BBS9: variants seen among roughly 807,000 people sequenced by gnomAD.
BBS9 encodes the protein Bardet-Biedl syndrome 9.
In BBS9, 89 loss-of-function variants were observed where a neutral mutation model predicts 117.7. The ratio of observed to expected loss-of-function variants is 0.76; its 90% CI spans 0.64 to 0.90. The LOEUF is 0.90. Ranked by LOEUF, BBS9 falls within the 40% of genes least tolerant of loss-of-function variation. BBS9 has a pLI of 0.00. For missense variants in BBS9, 982 were observed against 1,042.2 expected, an observed-to-expected ratio of 0.94 and a Z score of 0.80; for synonymous variants, 379 against 370.9, an observed-to-expected ratio of 1.02 and a Z score of -0.25.
intron 9 of BBS9, among the ~76,000 whole-genome samples, chr7:33,321,143 G>C (rs976455855): frequency 1.3e-5 from 2 of 152,086 alleles, no homozygotes; most frequent in Non-Finnish European, 2.9e-5. Context: ...CCATAGCTCT[G>C]TAGTTTAATT....
chr7:33,477,058 A>G (rs1413174885), intron 19 of BBS9, among the ~76,000 whole-genome samples: 1 of 152,216 alleles, frequency 6.6e-6, no homozygotes, highest in Non-Finnish European at 1.5e-5. Context: ...CCTTCCACTT[A>G]CTAGCCTTGT....
At chr7:33,581,826 G>A (rs1351778870) in intron 21 of BBS9, among the ~76,000 whole-genome samples, 7 of 152,034 alleles carry the variant, frequency 4.6e-5, no homozygotes, top group South Asian at 2.1e-4. Context: ...TGTTTTTCAC[G>A]CACATGAATT....
intron 9 of BBS9, among the ~76,000 whole-genome samples, chr7:33,318,570 A>G (rs1269655400): frequency 6.6e-6 from 1 of 152,094 alleles, no homozygotes; most frequent in Non-Finnish European, 1.5e-5. Flanking sequence ...AATAAAAATT[A>G]TTATTTTTTA....
At chr7:33,214,969 G>A (rs1788770873) in intron 5 of BBS9, among the ~76,000 whole-genome samples, 3 of 152,156 alleles carry the variant, frequency 2.0e-5, no homozygotes, top group South Asian at 4.1e-4. Context: ...CAAGGCGGGC[G>A]ATCACGAGGT....
intron 9 of BBS9, among the ~76,000 whole-genome samples, chr7:33,295,559 G>C (rs1805088267): frequency 6.6e-6 from 1 of 151,562 alleles, no homozygotes. Context: ...AAAAAAAATA[G>C]TCTATTATTA....
At chr7:33,569,545 G>C (rs959902617) in intron 21 of BBS9, among the ~76,000 whole-genome samples, 8 of 151,762 alleles carry the variant, frequency 5.3e-5, no homozygotes, top group African/African-American at 1.9e-4. Context: ...CACGAGGTCA[G>C]GAGATCGAGA....
chr7:33,411,592 T>C (rs1831151655), intron 19 of BBS9, among the ~76,000 whole-genome samples: 1 of 152,166 alleles, frequency 6.6e-6, no homozygotes, highest in Non-Finnish European at 1.5e-5. Flanking sequence ...AACTTATATA[T>C]GTACTTAATT....
chr7:33,222,344 A>G (rs981503978), intron 5 of BBS9, among the ~76,000 whole-genome samples: 1 of 152,186 alleles, frequency 6.6e-6, no homozygotes, highest in African/African-American at 2.4e-5. Flanking sequence ...GGAATGGGTG[A>G]CATTTTATTT....
intron 5 of BBS9, among the ~76,000 whole-genome samples, chr7:33,216,427 A>C (rs10262453): frequency 0.27 from 40,765 of 152,124 alleles, 6,164 homozygotes; most frequent in Admixed American, 0.41. Context: ...GTGTCTGCAC[A>C]AAGAAAAGTA....
At chr7:33,340,014 TTTTG>T (rs1816176380) in intron 10 of BBS9, among the ~76,000 whole-genome samples, 1 of 151,434 alleles carries the variant, frequency 6.6e-6, no homozygotes, top group Non-Finnish European at 1.5e-5. Context: ...TAAAAATGTT[TTTTG>T]TTTAAGATCT....
intron 6 of BBS9, 77 bp from the exon 7 acceptor site, chr7:33,264,213 G>A: frequency 1.4e-6 from 1 of 728,918 alleles, no homozygotes; most frequent in Admixed American, 3.6e-5. Flanking sequence ...AGATTATTGT[G>A]TACTTTTAAA....
intron 20 of BBS9, among the ~76,000 whole-genome samples, chr7:33,507,621 A>G (rs1469678148): frequency 6.6e-6 from 1 of 152,172 alleles, no homozygotes; most frequent in Non-Finnish European, 1.5e-5. Flanking sequence ...ATTCCTTTTT[A>G]TATCCTCAGT....
chr7:33,170,900 T>C lies in BBS9; in HGVS notation c.329-6578T>C, dbSNP rs375678343. Reference sequence around the variant, plus strand: ...ACCTAGGAATCCAACTTACAAGGGATGTGAAGGACCTCTTCAAGGAGAACT... The same window carrying C: ...ACCTAGGAATCCAACTTACAAGGGACGTGAAGGACCTCTTCAAGGAGAACT... On this transcript the variant is annotated intron_variant, in intron 4 of 22. Transcript: ENST00000242067. 5.3e-5 allele frequency among the ~76,000 whole-genome samples: 8 copies of C among 151,820 alleles called. No homozygotes were observed. The East Asian group carries it at 1.2e-3, about 22-fold the overall frequency.
intron 9 of BBS9, among the ~76,000 whole-genome samples, chr7:33,299,893 C>G (rs1044630333): frequency 3.3e-5 from 5 of 152,072 alleles, no homozygotes; most frequent in African/African-American, 1.2e-4. Flanking sequence ...GGTTCTTATT[C>G]CCTATTCTGT....
At chr7:33,492,347 A>G (rs1844103516) in intron 19 of BBS9, among the ~76,000 whole-genome samples, 1 of 152,012 alleles carries the variant, frequency 6.6e-6, no homozygotes, top group Non-Finnish European at 1.5e-5. Context: ...GTTGTATCTC[A>G]TTTAATCTTC....
chr7:33,416,484 G>C (rs1832036813), intron 19 of BBS9, among the ~76,000 whole-genome samples: 1 of 151,888 alleles, frequency 6.6e-6, no homozygotes. Flanking sequence ...GTATATTTTA[G>C]GGTTCAGGAC....
chr7:33,563,137 A>G (rs1050954517), intron 21 of BBS9, among the ~76,000 whole-genome samples: 7 of 152,202 alleles, frequency 4.6e-5, no homozygotes, highest in Non-Finnish European at 8.8e-5. Flanking sequence ...CTGTCAAAAC[A>G]GTACTCCAGA....
In BBS9 at chr7:33,146,360, A is replaced by G. The variant is rs754742917; in HGVS notation, c.108A>G (p.Gly36=). 1.9e-6 allele frequency: 3 copies of G among 1,610,870 alleles called. No individual in the cohort carries two copies. The Admixed American group carries it at 5.0e-5, about 27-fold the overall frequency. ...CLANVDNSGN[G]QDKIIVGSFM... ...CTAATGTTGACAATAGTGGAAATGG[A>G]CAAGGTAAGCAACTTACAACCATAC... The change falls in exon 2 of 23, where the codon GGA becomes GGG. Residue 36 remains glycine (G), a synonymous_variant. Coordinates refer to ENST00000242067, the MANE Select transcript of BBS9 (RefSeq NM_198428.3).
At chr7:33,325,846 C>G (rs1320361060) in intron 9 of BBS9, among the ~76,000 whole-genome samples, 2 of 152,222 alleles carry the variant, frequency 1.3e-5, no homozygotes, top group East Asian at 1.9e-4. Flanking sequence ...AAAAGAGTCT[C>G]TCTCTCTCTC....
Sources: allele counts gnomAD v4.1 joint callset (sites outside exome capture counted in the v4.1 genomes callset), GRCh38; gene constraint gnomAD v4.1.1; transcripts MANE v1.5; gene names NCBI Gene and HGNC (gene_info 2026-07-23, HGNC 2026-07-21).